NDST4: variants seen among roughly 807,000 people sequenced by gnomAD.
The protein encoded by NDST4 is N-deacetylase and N-sulfotransferase 4, also known as N-heparan sulfate sulfotransferase 4.
NDST4 carries 63 observed loss-of-function variants against 100.8 expected under a neutral mutation model. That is an observed-to-expected ratio of 0.62 (90% CI 0.51 to 0.77). The LOEUF is 0.77. NDST4 is among the 30% of genes least tolerant of loss of function. NDST4 has a pLI of 0.00. For synonymous variants in NDST4, 377 were observed against 361.8 expected (o/e 1.04, Z -0.48); for missense variants, 943 against 1,018.4 (o/e 0.93, Z 1.01).
intron 4 of NDST4, among the ~76,000 whole-genome samples, chr4:114,952,677 G>A (rs974982439): frequency 6.6e-6 from 1 of 152,080 alleles, no homozygotes; most frequent in Non-Finnish European, 1.5e-5. Context: ...CGAGAACCTT[G>A]GAGACTGCTA....
chr4:115,105,407 A>G (rs906282489), intron 1 of NDST4, among the ~76,000 whole-genome samples: 2 of 152,144 alleles, frequency 1.3e-5, no homozygotes, highest in South Asian at 4.2e-4. Flanking sequence ...AAAATGGTAC[A>G]TCTTATAAAT....
At chr4:114,973,267 T>C (rs1726554703) in intron 3 of NDST4, among the ~76,000 whole-genome samples, 1 of 151,938 alleles carries the variant, frequency 6.6e-6, no homozygotes, top group African/African-American at 2.4e-5. Context: ...AGCGCATTTA[T>C]TTTTCTATAC....
intron 2 of NDST4, among the ~76,000 whole-genome samples, chr4:115,015,625 C>T (rs558686037): frequency 2.6e-5 from 4 of 151,990 alleles, no homozygotes; most frequent in Admixed American, 6.6e-5. Context: ...TCCATATGAA[C>T]GTTCACTAAA....
At chr4:115,088,585 T>C (rs1403599953) in intron 1 of NDST4, among the ~76,000 whole-genome samples, 1 of 152,010 alleles carries the variant, frequency 6.6e-6, no homozygotes, top group Non-Finnish European at 1.5e-5. Context: ...GGTATCATTT[T>C]GTTAAGAAGT....
chr4:115,043,568 T>C (rs529853413), intron 2 of NDST4, among the ~76,000 whole-genome samples: 1 of 152,098 alleles, frequency 6.6e-6, no homozygotes, highest in South Asian at 2.1e-4. Context: ...GATAAGAACA[T>C]AGGTTTTTAG....
At chr4:114,900,901 C>T (rs114786167) in intron 6 of NDST4, among the ~76,000 whole-genome samples, 1 of 152,022 alleles carries the variant, frequency 6.6e-6, no homozygotes, top group East Asian at 1.9e-4. Flanking sequence ...TTCTTTGACC[C>T]ATGTGTTATT....
intron 6 of NDST4, among the ~76,000 whole-genome samples, chr4:114,925,637 A>T (rs1213839556): frequency 1.3e-5 from 2 of 152,134 alleles, no homozygotes; most frequent in African/African-American, 4.8e-5. Flanking sequence ...TGTCAATTTC[A>T]AGTACACCAC....
chr4:115,087,855 T>C (rs1411431202), intron 1 of NDST4, among the ~76,000 whole-genome samples: 2 of 151,932 alleles, frequency 1.3e-5, no homozygotes, highest in Non-Finnish European at 2.9e-5. Flanking sequence ...ACAAAATTTA[T>C]GTATATTTTA....
chr4:114,925,700 TAGGTG>T (rs111269008), intron 6 of NDST4, among the ~76,000 whole-genome samples: 23,154 of 151,988 alleles, frequency 0.15, 2,577 homozygotes, highest in African/African-American at 0.31. Flanking sequence ...GCCAATAGAA[TAGGTG>T]AGGTTTAGTG....
At chr4:114,856,427 T>A (rs1457851245) in intron 7 of NDST4, among the ~76,000 whole-genome samples, 8 of 152,172 alleles carry the variant, frequency 5.3e-5, no homozygotes, top group Non-Finnish European at 8.8e-5. Flanking sequence ...ACCAAATATT[T>A]TCACAATTAT....
In NDST4 at chr4:114,953,612, A is replaced by G. The variant is rs558803342; in HGVS notation, c.1222-16109T>C. On this transcript the variant is annotated intron_variant, in intron 4 of 13. Transcript: ENST00000264363. Reference sequence around the variant, plus strand: ...TTTGTGAATGATAAAAACTTAGTCTATGTGAATGCGATGTGATGCCTGGCA... The same window carrying G: ...TTTGTGAATGATAAAAACTTAGTCTGTGTGAATGCGATGTGATGCCTGGCA... 7.2e-5 allele frequency among the ~76,000 whole-genome samples: 11 copies of G among 152,278 alleles called. No individual in the cohort carries two copies. The South Asian group carries it at 1.9e-3, about 26-fold the overall frequency.
At chr4:115,022,841 G>A (rs77488866) in intron 2 of NDST4, among the ~76,000 whole-genome samples, 1 of 152,140 alleles carries the variant, frequency 6.6e-6, no homozygotes. Flanking sequence ...CTCTTTGCCT[G>A]CTGCCATCCA....
At chr4:114,971,454 C>A (rs2126241318) in intron 3 of NDST4, among the ~76,000 whole-genome samples, 1 of 151,956 alleles carries the variant, frequency 6.6e-6, no homozygotes, top group Non-Finnish European at 1.5e-5. Context: ...CCAAGAATAT[C>A]CACAAATGAA....
chr4:114,899,958 C>G (rs895339517), intron 6 of NDST4, among the ~76,000 whole-genome samples: 8 of 152,132 alleles, frequency 5.3e-5, no homozygotes, highest in African/African-American at 1.9e-4. Context: ...AGTGAACCCA[C>G]TTGGCCTAGT....
chr4:115,074,898 A>T (rs1729148261), intron 2 of NDST4, among the ~76,000 whole-genome samples: 1 of 152,172 alleles, frequency 6.6e-6, no homozygotes, highest in East Asian at 1.9e-4. Flanking sequence ...TGTGTTTGCT[A>T]AAATTATTTG....
intron 7 of NDST4, among the ~76,000 whole-genome samples, chr4:114,854,595 A>G (rs1398228058): frequency 6.6e-6 from 1 of 151,980 alleles, no homozygotes; most frequent in Non-Finnish European, 1.5e-5. Flanking sequence ...CAGCCTCCCG[A>G]GTAGCTGGGA....
At chr4:114,901,933 A>G (rs1297014600) in intron 6 of NDST4, among the ~76,000 whole-genome samples, 1 of 151,978 alleles carries the variant, frequency 6.6e-6, no homozygotes, top group East Asian at 1.9e-4. Flanking sequence ...CTTCATGCGT[A>G]GTGCAAATAT....
chr4:114,920,633 G>A (rs1023278544), intron 6 of NDST4, among the ~76,000 whole-genome samples: 1 of 152,128 alleles, frequency 6.6e-6, no homozygotes, highest in East Asian at 1.9e-4. Context: ...TCCATACAGT[G>A]CTAGAGGAGG....
Position 114,839,415 on chromosome 4 carries a change from T to C in NDST4, c.2249A>G (p.His750Arg). The change falls in exon 11 of 14, where the codon CAC becomes CGC. Residue 750 changes from histidine to arginine, a missense_variant. Coordinates refer to ENST00000264363, the MANE Select transcript of NDST4 (RefSeq NM_022569.3). ...RCLVPGWYAVHIERWLTYFAT... is the reference protein window; with the variant it reads ...RCLVPGWYAVRIERWLTYFAT... ...AAAGTAAGTTAGCCATCTTTCTATG[T>C]GGACTGCATACCATCCAGGTACTAG... is the stretch of plus-strand genomic sequence containing the variant. 6.2e-7 allele frequency: 1 copy of C among 1,613,006 alleles called. No individual in the cohort carries two copies. The highest frequency in any genetic ancestry group is 8.5e-7 in the Non-Finnish European group (1 of 1,179,262).
Sources: allele counts gnomAD v4.1 joint callset (sites outside exome capture counted in the v4.1 genomes callset), GRCh38; gene constraint gnomAD v4.1.1; transcripts MANE v1.5; gene names NCBI Gene and HGNC (gene_info 2026-07-23, HGNC 2026-07-21).